Variants in C1orf159 observed in about 807,000 individuals in gnomAD.
C1orf159 encodes the protein uncharacterized protein C1orf159.
In C1orf159, 19 loss-of-function variants were observed where a neutral mutation model predicts 25.6. The ratio of observed to expected loss-of-function variants is 0.74; its 90% CI spans 0.52 to 1.09. The LOEUF (loss-of-function observed/expected upper bound fraction) is 1.09. Among genes scored for constraint, C1orf159 ranks in the 50% least tolerant of loss-of-function variants. The pLI is 0.00. For synonymous variants in C1orf159, 139 were observed against 124.7 expected (o/e 1.12, Z -0.77); for missense variants, 274 against 290.6 (o/e 0.94, Z 0.42).
chr1:1,111,669 C>T (rs1296317059), intron 1 of C1orf159, among the ~76,000 whole-genome samples: 1 of 152,188 alleles, frequency 6.6e-6, no homozygotes, highest in Non-Finnish European at 1.5e-5. Context: ...CACACCCACG[C>T]TCACCGTAAC....
At position 1,082,920 on chromosome 1, in the gene C1orf159, C is replaced by T. The variant is rs769169845; in HGVS notation, c.570G>A (p.Pro190=). The change falls in exon 10 of 10, where the codon CCG becomes CCA. Residue 190 remains proline, a synonymous_variant. Transcript: ENST00000421241. ...AGACATTGCTGATACGGGCCTCCCC[C>T]GGGAAGGCAGCGGGATCCGTGGCCC... The part of the protein sequence containing the change: ...LDRATDPAAF[P]GEARISNV 3.2e-5 allele frequency: 51 copies of T among 1,600,688 alleles called. No individual in the cohort carries two copies. The highest frequency in any genetic ancestry group is 3.7e-5 in the Non-Finnish European group (44 of 1,174,512).
chr1:1,091,012 AG>A, intron 3 of C1orf159: 1 of 1,517,752 alleles, frequency 6.6e-7, no homozygotes, highest in Non-Finnish European at 8.9e-7. Context: ...GAGGGCGTCC[AG>A]GGGTGACTGC....
At chr1:1,086,151 G>C in intron 6 of C1orf159, 139 bp from the exon 7 acceptor site, 2 of 1,111,156 alleles carry the variant, frequency 1.8e-6, no homozygotes, top group South Asian at 3.1e-5. Flanking sequence ...TGGGTGCCGA[G>C]GGCTCTGCAC....
chr1:1,109,403 T>C (rs1029642494), intron 1 of C1orf159, among the ~76,000 whole-genome samples: 9 of 152,202 alleles, frequency 5.9e-5, no homozygotes, highest in African/African-American at 1.7e-4. Flanking sequence ...TAGTGTTTAA[T>C]GGGAACAGTT....
rs1182310629 is a variant in C1orf159 at position 1,084,036 on chromosome 1, T to C, written c.502+317A>G. On this transcript the variant is annotated intron_variant, in intron 9 of 9. Transcript: ENST00000421241. Reference sequence around the variant, plus strand: ...GCTGGACTTCAAGGAGGAGCAGGTATTGGGGGTCTGCCCTGTCGTGGTGGG... The same window carrying C: ...GCTGGACTTCAAGGAGGAGCAGGTACTGGGGGTCTGCCCTGTCGTGGTGGG... 1.9e-6 allele frequency: 3 copies of C among 1,607,992 alleles called. 1 individual carries two copies. The highest frequency in any genetic ancestry group is 2.2e-5 in the South Asian group (2 of 90,310).
intron 2 of C1orf159, 78 bp from the exon 3 acceptor site, chr1:1,091,643 G>T: frequency 9.5e-7 from 1 of 1,052,270 alleles, no homozygotes; most frequent in Non-Finnish European, 1.4e-6. Flanking sequence ...AATGAAAGTG[G>T]GGTCAAGAGA....
intron 1 of C1orf159, among the ~76,000 whole-genome samples, chr1:1,094,086 T>C (rs1645977782): frequency 6.6e-6 from 1 of 151,692 alleles, no homozygotes; most frequent in Non-Finnish European, 1.5e-5. Context: ...AGTTGCAACA[T>C]ATACCTTTTT....
At chr1:1,112,343 A>C (rs1048271936) in intron 1 of C1orf159, among the ~76,000 whole-genome samples, 1 of 152,222 alleles carries the variant, frequency 6.6e-6, no homozygotes, top group African/African-American at 2.4e-5. Flanking sequence ...GTAACGGAAG[A>C]ACGCCTCAGG....
chr1:1,105,608 A>G (rs1301379417), intron 1 of C1orf159, among the ~76,000 whole-genome samples: 2 of 152,112 alleles, frequency 1.3e-5, no homozygotes. Context: ...TGGACCACGC[A>G]TGGTGGCTCA....
intron 4 of C1orf159, among the ~76,000 whole-genome samples, chr1:1,088,597 G>A (rs368586608): frequency 5.8e-4 from 88 of 151,522 alleles, no homozygotes; most frequent in East Asian, 5.6e-3. Flanking sequence ...TCCGCCCACC[G>A]GCCAGGGCGC....
intron 1 of C1orf159, among the ~76,000 whole-genome samples, chr1:1,100,094 C>G (rs915135079): frequency 1.3e-5 from 2 of 152,156 alleles, no homozygotes; most frequent in Admixed American, 6.5e-5. Flanking sequence ...AAGACCCCAT[C>G]TCTTAAAAAA....
chr1:1,092,298 G>A (rs533173378), intron 1 of C1orf159, 195 bp from the exon 2 acceptor site: 26 of 230,892 alleles, frequency 1.1e-4, no homozygotes, highest in East Asian at 4.6e-4. Flanking sequence ...GGCCTCCTGC[G>A]GGTGAGAGTG....
At chr1:1,086,555 C>T (rs1312965868) in intron 6 of C1orf159, among the ~76,000 whole-genome samples, 3 of 152,218 alleles carry the variant, frequency 2.0e-5, no homozygotes, top group African/African-American at 7.2e-5. Context: ...GAGGAGACTC[C>T]CCAACCCTGA....
intron 1 of C1orf159, among the ~76,000 whole-genome samples, chr1:1,100,413 T>C (rs1177158834): frequency 1.3e-5 from 2 of 152,068 alleles, no homozygotes; most frequent in East Asian, 1.9e-4. Flanking sequence ...GTACAAGGAG[T>C]TGTGCCTCCC....
At chr1:1,108,866 A>G (rs1646217579) in intron 1 of C1orf159, among the ~76,000 whole-genome samples, 1 of 92,876 alleles carries the variant, frequency 1.1e-5, no homozygotes, top group Non-Finnish European at 1.9e-5. Context: ...CACCACGGCC[A>G]CCATGTCTCA....
In C1orf159 at chr1:1,115,767, G is replaced by A. The variant is rs552949108; in HGVS notation, c.-136+293C>T. Among the ~76,000 whole-genome samples, 10 of 42,306 alleles carry A rather than the reference G, an allele frequency of 2.4e-4. No individual in the cohort carries two copies. In the South Asian group the frequency reaches 9.2e-3, roughly 39 times the overall value. The allele number at this position is 42,306 out of a possible 152,430, so 27.8% of individuals were successfully genotyped here. On this transcript the variant is annotated intron_variant, in intron 1 of 9. Coordinates refer to ENST00000421241, the MANE Select transcript of C1orf159 (RefSeq NM_017891.5). Reference sequence around the variant, plus strand: ...CCCCACCCCTCCCCGGGGTCCCCCTGCCCTCCTCAGACGCCCCTTCCCCTC... The same window carrying A: ...CCCCACCCCTCCCCGGGGTCCCCCTACCCTCCTCAGACGCCCCTTCCCCTC...
At chr1:1,091,140 G>A (rs1209263004) in intron 3 of C1orf159, 2 of 637,394 alleles carry the variant, frequency 3.1e-6, no homozygotes, top group Non-Finnish European at 5.5e-6. Context: ...GGAGTCTGGA[G>A]CCGCCGCAGC....
rs573164711 is a variant in C1orf159, at chr1:1,110,843, C to T, written c.-136+5217G>A. Among the ~76,000 whole-genome samples, 8 of 152,314 alleles carry T rather than the reference C, an allele frequency of 5.3e-5. No homozygotes were observed. The highest frequency in any genetic ancestry group is 2.1e-4 in the South Asian group (1 of 4,828). ...GAGGAAGCTCAACAACAGTTCTCTG[C>T]GTGAGCCGTGGCAGACGCAAAACCG... On this transcript the variant is annotated intron_variant, in intron 1 of 9. Coordinates refer to ENST00000421241, the MANE Select transcript of C1orf159 (RefSeq NM_017891.5). The surrounding 1 kb of genome is among the most constrained non-coding windows in gnomAD (Gnocchi z 4.8).
chr1:1,111,334 C>T (rs949745887), intron 1 of C1orf159, among the ~76,000 whole-genome samples: 4 of 148,748 alleles, frequency 2.7e-5, no homozygotes, highest in African/African-American at 1.0e-4. Flanking sequence ...TCAAAACCAG[C>T]CCGGACAACA....
Sources: gnomAD v4.1 joint callset for allele counts (sites outside exome capture counted in the v4.1 genomes callset) on GRCh38, gnomAD v4.1.1 for gene constraint, Gnocchi (gnomAD v3.1) non-coding constraint, MANE v1.5 for transcripts, NCBI Gene and HGNC (gene_info 2026-07-23, HGNC 2026-07-21) for gene names.